The following EPHB2 variants were observed in gnomAD, a reference collection of about 807,000 sequenced individuals.
EPHB2 encodes the protein EPH receptor B2.
In EPHB2, 18 loss-of-function variants were observed where a neutral mutation model predicts 96.4. The observed-to-expected ratio is 0.19, with a 90% CI of 0.13 to 0.28. EPHB2 has a LOEUF of 0.28. Ranked by LOEUF, EPHB2 falls within the 10% of genes least tolerant of loss-of-function variation. The probability of loss-of-function intolerance (pLI) is 1.00; values close to 1 mark genes in which losing one functional copy is unlikely to be tolerated. For synonymous variants in EPHB2, 506 were observed against 534.1 expected (o/e 0.95, Z 0.72); for missense variants, 989 against 1,355.4 (o/e 0.73, Z 4.25).
At position 22,906,131 on chromosome 1, in the gene EPHB2, A is replaced by G. The variant is rs1489174693; in HGVS notation, c.1888+22A>G. 5 of 1,614,014 alleles carry G rather than the reference A, an allele frequency of 3.1e-6. No homozygotes were observed. In the South Asian group the frequency reaches 3.3e-5, roughly 11 times the overall value. Reference sequence around the variant, plus strand: ...GCAGGTAGGTGGCTGGTACTCTCACATGTACTATGACCTTAGCCATGGCTG... The same window carrying G: ...GCAGGTAGGTGGCTGGTACTCTCACGTGTACTATGACCTTAGCCATGGCTG... On this transcript the variant is annotated intron_variant, in intron 10 of 15. Coordinates refer to ENST00000374630, the MANE Select transcript of EPHB2 (RefSeq NM_017449.5). This position sits in a 1 kb window ranked among gnomAD's most constrained non-coding sequence, Gnocchi z 4.8.
chr1:22,911,331 A>G (rs1245593993), intron 14 of EPHB2, among the ~76,000 whole-genome samples: 1 of 152,090 alleles, frequency 6.6e-6, no homozygotes, highest in African/African-American at 2.4e-5. Flanking sequence ...TCCTACATGC[A>G]CAGATGAACA....
intron 1 of EPHB2, chr1:22,775,241 G>A: frequency 1.3e-6 from 1 of 779,810 alleles, no homozygotes; most frequent in Non-Finnish European, 2.4e-6. Context: ...GTGCACTTAT[G>A]CAGGTTGGTT....
rs1644572754 is a variant in EPHB2, at chr1:22,784,053, C to A, written c.127-339C>A. Among the ~76,000 whole-genome samples the A allele has an allele frequency of 6.6e-6, 1 of 152,160 alleles. No individual in the cohort carries two copies. The highest frequency in any genetic ancestry group is 6.5e-5 in the Admixed American group (1 of 15,284). On this transcript the variant is annotated intron_variant, in intron 2 of 15. Coordinates refer to ENST00000374630, the MANE Select transcript of EPHB2 (RefSeq NM_017449.5). This position sits in a 1 kb window ranked among gnomAD's most constrained non-coding sequence, Gnocchi z 5.1. Reference sequence around the variant, plus strand: ...CCCCACAACCACAAAGCTATGTCTACTTTCATCAGAAGGAGCTCCCTAAGT... The same window carrying A: ...CCCCACAACCACAAAGCTATGTCTAATTTCATCAGAAGGAGCTCCCTAAGT...
chr1:22,746,310 G>A (rs1643973103), intron 1 of EPHB2, among the ~76,000 whole-genome samples: 1 of 152,220 alleles, frequency 6.6e-6, no homozygotes, highest in African/African-American at 2.4e-5. Flanking sequence ...TGACACATAA[G>A]TATGGACTGA....
chr1:22,872,096 A>G (rs1353192570), intron 5 of EPHB2, among the ~76,000 whole-genome samples: 4 of 151,920 alleles, frequency 2.6e-5, no homozygotes, highest in East Asian at 3.9e-4. Flanking sequence ...TGATGGTGCT[A>G]AGGGACAATC....
rs1638807159 is a variant in EPHB2 at position 22,875,437 on chromosome 1, T to C, written c.1304-6922T>C. ...CCACGTCACTGCAGCAGTTCCCAAC[T>C]GTGGGTGGGCACAGGGCCTGGGGGA... is the stretch of plus-strand genomic sequence containing the variant. On this transcript the variant is annotated intron_variant, in intron 5 of 15. Transcript: ENST00000374630. This position sits in a 1 kb window ranked among gnomAD's most constrained non-coding sequence, Gnocchi z 4.2. 6.6e-6 allele frequency among the ~76,000 whole-genome samples: 1 copy of C among 152,180 alleles called. No homozygotes were observed. Among genetic ancestry groups the C allele is most frequent in the African/African-American group, 2.4e-5 (1 of 41,450 alleles).
chr1:22,720,233 A>G (rs755434801), intron 1 of EPHB2, among the ~76,000 whole-genome samples: 18 of 152,226 alleles, frequency 1.2e-4, no homozygotes, highest in South Asian at 2.1e-4. Flanking sequence ...GTGGTGGTCA[A>G]AGCCAGTCAC....
chr1:22,726,538 A>G (rs1643586042), intron 1 of EPHB2, among the ~76,000 whole-genome samples: 1 of 151,728 alleles, frequency 6.6e-6, no homozygotes, highest in African/African-American at 2.4e-5. Context: ...CTCCTGCCTC[A>G]GTCTCCTGAG....
intron 3 of EPHB2, among the ~76,000 whole-genome samples, chr1:22,833,865 G>A (rs983317384): frequency 1.2e-4 from 19 of 152,170 alleles, no homozygotes; most frequent in Non-Finnish European, 2.2e-4. Context: ...GAGATAATGA[G>A]GCACAAAGGG....
rs1176158115 is a variant in EPHB2, at chr1:22,785,100, G to A, written c.811+24G>A. 3 of 1,612,926 alleles carry A rather than the reference G, an allele frequency of 1.9e-6. No individual in the cohort carries two copies. In the East Asian group the frequency reaches 6.7e-5, roughly 36 times the overall value. On this transcript the variant is annotated intron_variant, in intron 3 of 15. Coordinates refer to ENST00000374630, the MANE Select transcript of EPHB2 (RefSeq NM_017449.5). ...AGGTAAGGGCCAGGGTGGGGCACGT[G>A]CCCCTGCAAATGCATAGAACTGGTC...
At chr1:22,809,095 C>G (rs1413428934) in intron 3 of EPHB2, among the ~76,000 whole-genome samples, 3 of 152,260 alleles carry the variant, frequency 2.0e-5, no homozygotes, top group Non-Finnish European at 4.4e-5. Context: ...CGGGCCCAGA[C>G]AGCTTCCCGG....
Position 22,733,382 on chromosome 1 carries a change from A to G in EPHB2, c.61+22339A>G, listed in dbSNP as rs1247134552. On this transcript the variant is annotated intron_variant, in intron 1 of 15. Coordinates refer to ENST00000374630, the MANE Select transcript of EPHB2 (RefSeq NM_017449.5). This position sits in a 1 kb window ranked among gnomAD's most constrained non-coding sequence, Gnocchi z 4.6. Reference sequence around the variant, plus strand: ...CTTTCTAACCAGCCTCTTTATTTTCAGATGGGGAAACCAAGACCCAAAGAG... The same window carrying G: ...CTTTCTAACCAGCCTCTTTATTTTCGGATGGGGAAACCAAGACCCAAAGAG... 6.6e-6 allele frequency among the ~76,000 whole-genome samples: 1 copy of G among 152,178 alleles called. No homozygotes were observed. The highest frequency in any genetic ancestry group is 1.5e-5 in the Non-Finnish European group (1 of 68,034).
chr1:22,774,220 G>GC (rs956363147), intron 1 of EPHB2, among the ~76,000 whole-genome samples: 14 of 152,232 alleles, frequency 9.2e-5, no homozygotes, highest in African/African-American at 3.4e-4. Context: ...CTGGCTCCTG[G>GC]CCGGGACCAG....
At chr1:22,876,890 T>C (rs2148542994) in intron 5 of EPHB2, among the ~76,000 whole-genome samples, 1 of 152,268 alleles carries the variant, frequency 6.6e-6, no homozygotes, top group South Asian at 2.1e-4. Context: ...TTACAGGGCT[T>C]ATGGGATCAG....
At chr1:22,805,219 T>G (rs1374552605) in intron 3 of EPHB2, among the ~76,000 whole-genome samples, 1 of 152,124 alleles carries the variant, frequency 6.6e-6, no homozygotes, top group African/African-American at 2.4e-5. Flanking sequence ...GCCTGTTGAT[T>G]CTGAAGGACT....
chr1:22,759,375 A>G (rs1377717097), intron 1 of EPHB2, among the ~76,000 whole-genome samples: 1 of 19,024 alleles, frequency 5.3e-5, no homozygotes, highest in Admixed American at 1.2e-3. Context: ...ACTTCTCAAC[A>G]GTACCTGTTA....
At chr1:22,815,347 C>T (rs917105760) in intron 3 of EPHB2, among the ~76,000 whole-genome samples, 31 of 152,234 alleles carry the variant, frequency 2.0e-4, no homozygotes, top group African/African-American at 7.5e-4. Flanking sequence ...ACCGAAATCC[C>T]ATTTTCCAAA....
chr1:22,898,666 A>G (rs896357903), intron 9 of EPHB2, among the ~76,000 whole-genome samples: 4 of 152,170 alleles, frequency 2.6e-5, no homozygotes, highest in East Asian at 1.9e-4. Flanking sequence ...AGAATGGACC[A>G]ACGGGGCTGA....
intron 6 of EPHB2, 200 bp downstream of exon 6, chr1:22,882,683 C>A: frequency 1.4e-6 from 1 of 690,206 alleles, no homozygotes; most frequent in Non-Finnish European, 2.3e-6. Flanking sequence ...GGTGCCTTGA[C>A]CTCTCTGGAT....
Sources: allele counts gnomAD v4.1 joint callset (sites outside exome capture counted in the v4.1 genomes callset), GRCh38; gene constraint gnomAD v4.1.1; non-coding constraint Gnocchi (gnomAD v3.1); transcripts MANE v1.5; gene names NCBI Gene and HGNC (gene_info 2026-07-23, HGNC 2026-07-21).